The following HECA variants were observed in gnomAD, a reference collection of about 807,000 sequenced individuals.
HECA encodes the protein HECA ribonucleoprotein granule regulator, also known as headcase protein homolog.
HECA carries 13 observed loss-of-function variants against 37.6 expected under a neutral mutation model. That is an observed-to-expected ratio of 0.35 (90% CI 0.23 to 0.55). HECA has a LOEUF of 0.55. HECA is among the 20% of genes least tolerant of loss of function. HECA has a pLI of 0.90. For synonymous variants in HECA, 307 were observed against 291.5 expected (o/e 1.05, Z -0.54); for missense variants, 527 against 701.9 (o/e 0.75, Z 2.82).
intron 1 of HECA, among the ~76,000 whole-genome samples, chr6:139,151,816 C>T (rs1040265246): frequency 6.6e-6 from 1 of 152,224 alleles, no homozygotes; most frequent in Admixed American, 6.5e-5. Context: ...AATTGTAGAA[C>T]TACATACTAC....
At chr6:139,148,265 G>T (rs1451818954) in intron 1 of HECA, among the ~76,000 whole-genome samples, 6 of 152,044 alleles carry the variant, frequency 3.9e-5, no homozygotes. Context: ...TTACAGTTTT[G>T]TATGATTACA....
chr6:139,177,766 A>G lies in HECA; in HGVS notation c.*661A>G, dbSNP rs1431461870. 5 of 152,278 alleles carry G rather than the reference A, an allele frequency of 3.3e-5. No individual in the cohort carries two copies. In the East Asian group the frequency reaches 9.6e-4, roughly 29 times the overall value. 9.4% of individuals were successfully genotyped at this position (152,278 alleles called of 1,614,324 possible). A position where few individuals can be genotyped will look rare whatever the true frequency, so the allele number is the denominator to read the frequency against. ...ATATGTTTAGGTAAACTGACCTATA[A>G]CAGAATATGTGAAATGAATTTGGAA... is the stretch of plus-strand genomic sequence containing the variant. On this transcript the variant is annotated 3_prime_UTR_variant, in exon 4 of 4. Coordinates refer to ENST00000367658, the MANE Select transcript of HECA (RefSeq NM_016217.3). This position sits in a 1 kb window ranked among gnomAD's most constrained non-coding sequence, Gnocchi z 4.9.
intron 1 of HECA, among the ~76,000 whole-genome samples, chr6:139,145,556 T>C (rs1234046323): frequency 6.6e-6 from 1 of 152,226 alleles, no homozygotes; most frequent in African/African-American, 2.4e-5. Flanking sequence ...TTTCATAGAT[T>C]TAAATAGTCA....
At chr6:139,144,006 A>G (rs1027634832) in intron 1 of HECA, among the ~76,000 whole-genome samples, 1 of 152,192 alleles carries the variant, frequency 6.6e-6, no homozygotes, top group African/African-American at 2.4e-5. Flanking sequence ...AAGTCAAATG[A>G]GTATGTGGAG....
chr6:139,136,595 A>G (rs1219034602), intron 1 of HECA, among the ~76,000 whole-genome samples: 1 of 149,710 alleles, frequency 6.7e-6, no homozygotes, highest in Non-Finnish European at 1.5e-5. Context: ...TTATAGCGTC[A>G]GCTTTTGAAG....
At chr6:139,169,221 C>G (rs1486314711) in intron 2 of HECA, among the ~76,000 whole-genome samples, 3 of 151,860 alleles carry the variant, frequency 2.0e-5, no homozygotes, top group African/African-American at 7.3e-5. Context: ...GATATTAGAC[C>G]CCTTAGATTA....
intron 1 of HECA, among the ~76,000 whole-genome samples, chr6:139,160,708 C>T (rs1446993774): frequency 2.0e-5 from 3 of 152,210 alleles, no homozygotes; most frequent in African/African-American, 7.2e-5. Flanking sequence ...GCCACTGTGC[C>T]TGGCCATACT....
At chr6:139,149,746 A>G (rs1235049720) in intron 1 of HECA, among the ~76,000 whole-genome samples, 1 of 152,180 alleles carries the variant, frequency 6.6e-6, no homozygotes, top group Non-Finnish European at 1.5e-5. Flanking sequence ...AGTTTTTTGA[A>G]TGAGACCTTC....
intron 3 of HECA, among the ~76,000 whole-genome samples, chr6:139,175,188 G>A (rs999754634): frequency 9.9e-5 from 15 of 152,168 alleles, no homozygotes; most frequent in Admixed American, 3.9e-4. Flanking sequence ...ATAACCTATA[G>A]AATCACAGGA....
At position 139,135,555 on chromosome 6, in the gene HECA, GGCGGCGGGCGCGCCGGGCGCCGGAGGC is replaced by G. The variant is rs1221574598; in HGVS notation, c.171_197del (p.Pro58_Ala66del). On this transcript the variant is annotated inframe_deletion, in exon 1 of 4. Coordinates refer to ENST00000367658, the MANE Select transcript of HECA (RefSeq NM_016217.3). ...CGGCGGCGGCCGGTTGCGGGGCGGC[GGCGGCGGGCGCGCCGGGCGCCGGAGGC>G]GCGGCGGGCGCCGGAGGCGCGGGGA... The G allele has an allele frequency of 1.1e-4, 108 of 976,032 alleles. No individual in the cohort carries two copies. The highest frequency in any genetic ancestry group is 4.7e-4 in the East Asian group (4 of 8,524). 60.5% of individuals were successfully genotyped at this position (976,032 alleles called of 1,614,324 possible).
intron 1 of HECA, among the ~76,000 whole-genome samples, chr6:139,158,600 G>A (rs114752127): frequency 0.021 from 3,081 of 149,642 alleles, 117 homozygotes; most frequent in African/African-American, 0.072. Flanking sequence ...GAGCCTGGCA[G>A]GTTGAAGCTG....
chr6:139,151,745 C>T (rs1043376170), intron 1 of HECA, among the ~76,000 whole-genome samples: 1 of 152,184 alleles, frequency 6.6e-6, no homozygotes, highest in African/African-American at 2.4e-5. Context: ...TTCTTACCTA[C>T]TTTTTAAGTA....
intron 1 of HECA, among the ~76,000 whole-genome samples, chr6:139,138,966 C>T (rs1378038336): frequency 1.3e-5 from 2 of 152,176 alleles, no homozygotes; most frequent in African/African-American, 2.4e-5. Flanking sequence ...TACGTAGTTT[C>T]ATTCTGGTTC....
intron 1 of HECA, among the ~76,000 whole-genome samples, chr6:139,137,895 G>C (rs146311050): frequency 6.6e-6 from 1 of 152,180 alleles, no homozygotes; most frequent in Non-Finnish European, 1.5e-5. Flanking sequence ...GTGAAAGGCG[G>C]GGAGAAAAAG....
rs1366391411 is a variant in HECA at position 139,179,129 on chromosome 6, ACTTGT to A, written c.*2028_*2032del. The stretch of plus-strand genomic sequence containing the variant: ...GATTGTAAGACATAGCTTTCTGCAA[ACTTGT>A]CTTTAATGCACAAAGCTGTAGTGGT... On this transcript the variant is annotated 3_prime_UTR_variant, in exon 4 of 4. Coordinates refer to ENST00000367658, the MANE Select transcript of HECA (RefSeq NM_016217.3). The A allele has an allele frequency of 6.6e-6, 1 of 152,202 alleles. No individual in the cohort carries two copies. The highest frequency in any genetic ancestry group is 1.5e-5 in the Non-Finnish European group (1 of 68,024). 9.4% of individuals were successfully genotyped at this position (152,202 alleles called of 1,614,324 possible). A position where few individuals can be genotyped will look rare whatever the true frequency, so the allele number is the denominator to read the frequency against.
chr6:139,135,526 CTGGCGGCGGCGGCCGGTTGCG>C lies in HECA; in HGVS notation c.131_151del (p.Leu44_Gly51delinsArg). ...GGCGGGAGCGGCGGCCGGGGGGGCC[CTGGCGGCGGCGGCCGGTTGCG>C]GGGCGGCGGCGGCGGGCGCGCCGGG... On this transcript the variant is annotated inframe_deletion, in exon 1 of 4. Coordinates refer to ENST00000367658, the MANE Select transcript of HECA (RefSeq NM_016217.3). 1.0e-6 allele frequency: 1 copy of C among 992,482 alleles called. No homozygotes were observed. Among genetic ancestry groups the C allele is most frequent in the Non-Finnish European group, 1.2e-6 (1 of 835,960 alleles). 61.5% of individuals were successfully genotyped at this position (992,482 alleles called of 1,614,324 possible). A position where few individuals can be genotyped will look rare whatever the true frequency, so the allele number is the denominator to read the frequency against.
At chr6:139,155,228 T>A (rs2114452635) in intron 1 of HECA, among the ~76,000 whole-genome samples, 2 of 152,196 alleles carry the variant, frequency 1.3e-5, no homozygotes, top group South Asian at 4.1e-4. Flanking sequence ...CATCTAAACA[T>A]ACAGAAACAT....
intron 3 of HECA, among the ~76,000 whole-genome samples, chr6:139,175,411 AAG>A (rs992250614): frequency 6.6e-6 from 1 of 152,152 alleles, no homozygotes; most frequent in African/African-American, 2.4e-5. Context: ...GATTTTTGTA[AAG>A]AGAGTATCTT....
At chr6:139,148,483 G>A (rs1774610964) in intron 1 of HECA, among the ~76,000 whole-genome samples, 1 of 152,162 alleles carries the variant, frequency 6.6e-6, no homozygotes, top group African/African-American at 2.4e-5. Flanking sequence ...GTTGCAACCC[G>A]CCAGGTGTGG....
Sources: allele counts gnomAD v4.1 joint callset (sites outside exome capture counted in the v4.1 genomes callset), GRCh38; gene constraint gnomAD v4.1.1; non-coding constraint Gnocchi (gnomAD v3.1); transcripts MANE v1.5; gene names NCBI Gene and HGNC (gene_info 2026-07-23, HGNC 2026-07-21).